The following PCDHGB6 variants were observed in gnomAD, a reference collection of about 807,000 sequenced individuals.
PCDHGB6 encodes the protein protocadherin gamma-B6.
PCDHGB6 carries 51 observed loss-of-function variants against 59.1 expected under a neutral mutation model. The observed-to-expected ratio is 0.86, with a 90% CI of 0.69 to 1.09. The LOEUF is 1.09. Ranked by LOEUF, PCDHGB6 falls within the 50% of genes least tolerant of loss-of-function variation. PCDHGB6 has a pLI of 0.00. For missense variants in PCDHGB6, 1,148 were observed against 1,205.1 expected, an observed-to-expected ratio of 0.95 and a Z score of 0.70; for synonymous variants, 466 against 495.1, an observed-to-expected ratio of 0.94 and a Z score of 0.78.
rs768074414 is a variant in PCDHGB6 at position 141,477,293 on chromosome 5, C to T, written c.2419-17514C>T. 8.1e-6 allele frequency: 13 copies of T among 1,614,180 alleles called. No homozygotes were observed. The highest frequency in any genetic ancestry group is 1.1e-5 in the Non-Finnish European group (13 of 1,180,036). ...CGGGCTGGTGACCTGCGAAGTTCCA[C>T]CGGGTCTCCCTTTCAGCCTTACTTC... On this transcript the variant is annotated intron_variant, in intron 1 of 3. Coordinates refer to ENST00000520790, the MANE Select transcript of PCDHGB6 (RefSeq NM_018926.3). This position sits in a 1 kb window ranked among gnomAD's most constrained non-coding sequence, Gnocchi z 4.9.
chr5:141,459,976 G>A (rs1013971472), intron 1 of PCDHGB6, among the ~76,000 whole-genome samples: 1 of 152,202 alleles, frequency 6.6e-6, no homozygotes, highest in Non-Finnish European at 1.5e-5. Flanking sequence ...TACTCAGGAG[G>A]CTGAGACAGG....
rs57426385 is a variant in PCDHGB6 at position 141,415,740 on chromosome 5, G to GTTTTT, written c.2418+5148_2418+5152dup. 865 of 624,308 alleles carry GTTTTT rather than the reference G, an allele frequency of 1.4e-3. 3 individuals carry two copies. Among genetic ancestry groups the GTTTTT allele is most frequent in the South Asian group, 2.2e-3 (75 of 34,868 alleles). The allele number at this position is 624,308 out of a possible 1,614,324, so 38.7% of individuals were successfully genotyped here. A position where few individuals can be genotyped will look rare whatever the true frequency, so the allele number is the denominator to read the frequency against. ...TGAGTAGAATTTGATGTTTATTAAG[G>GTTTTT]TTTTTTTTTTTTTTTTTTTTTTTTT... is the stretch of plus-strand genomic sequence containing the variant. On this transcript the variant is annotated intron_variant, in intron 1 of 3. Transcript: ENST00000520790.
chr5:141,427,114 A>G (rs767478190), intron 1 of PCDHGB6: 1 of 457,522 alleles, frequency 2.2e-6, no homozygotes, highest in Non-Finnish European at 4.4e-6. Flanking sequence ...GAGATCACCT[A>G]CTCTTTCAAA....
At chr5:141,418,349 A>G in intron 1 of PCDHGB6, 1 of 1,614,016 alleles carries the variant, frequency 6.2e-7, no homozygotes, top group South Asian at 1.1e-5. Context: ...TGATATTAGT[A>G]TGAATTCGCT....
Position 141,486,266 on chromosome 5 carries a change from C to G in PCDHGB6, c.2419-8541C>G, listed in dbSNP as rs1311684194. On this transcript the variant is annotated intron_variant, in intron 1 of 3. Transcript: ENST00000520790. The surrounding 1 kb of genome is among the most constrained non-coding windows in gnomAD (Gnocchi z 5.0). Reference sequence around the variant, plus strand: ...TGGAACCCTCCCCGAGAGTGCAGAACCTGGCACTGTGGTGGCACTTATCAG... The same window carrying G: ...TGGAACCCTCCCCGAGAGTGCAGAAGCTGGCACTGTGGTGGCACTTATCAG... 1 of 1,614,098 alleles carries G rather than the reference C, an allele frequency of 6.2e-7. No individual in the cohort carries two copies.
intron 1 of PCDHGB6, among the ~76,000 whole-genome samples, chr5:141,470,714 T>C (rs1416956410): frequency 1.3e-5 from 2 of 152,152 alleles, no homozygotes; most frequent in Non-Finnish European, 2.9e-5. Context: ...TTTTATTTTT[T>C]TGAGTCAGGG....
Position 141,409,638 on chromosome 5 carries a change from C to T in PCDHGB6, c.1436C>T (p.Pro479Leu), listed in dbSNP as rs1040366842. The T allele has an allele frequency of 3.1e-6, 5 of 1,613,648 alleles. No homozygotes were observed. The highest frequency in any genetic ancestry group is 1.7e-5 in the Admixed American group (1 of 60,006). ...ASIAQVSASDPDLGLNGHISY... is the reference protein window; with the variant it reads ...ASIAQVSASDLDLGLNGHISY... ...ATTGCGCAAGTGAGCGCCTCTGACC[C>T]GGATTTGGGGCTCAATGGCCACATC... The change falls in exon 1 of 4, where the codon CCG (proline) becomes CTG (leucine). Residue 479 changes from proline (P) to leucine (L), a missense_variant. Pro to Leu is a moderately conservative substitution (Grantham distance 98). Coordinates refer to ENST00000520790, the MANE Select transcript of PCDHGB6 (RefSeq NM_018926.3).
rs2099664737 is a variant in PCDHGB6, at chr5:141,487,754, G to GTAGAC, written c.2419-7052_2419-7048dup. 1 of 1,552,036 alleles carries GTAGAC rather than the reference G, an allele frequency of 6.4e-7. No homozygotes were observed. The highest frequency in any genetic ancestry group is 1.4e-5 in the African/African-American group (1 of 73,242). ...CATTTTTGTAAGAGGTAACTATGTG[G>GTAGAC]TAGACGCTGTGCTTTGTAACTGTTT... On this transcript the variant is annotated intron_variant, in intron 1 of 3. Transcript: ENST00000520790. This position sits in a 1 kb window ranked among gnomAD's most constrained non-coding sequence, Gnocchi z 5.0.
At chr5:141,430,351 A>G (rs923321842) in intron 1 of PCDHGB6, among the ~76,000 whole-genome samples, 5 of 152,046 alleles carry the variant, frequency 3.3e-5, no homozygotes, top group African/African-American at 1.2e-4. Flanking sequence ...CAATTCATTT[A>G]AAAGCTCATT....
At position 141,490,027 on chromosome 5, in the gene PCDHGB6, C is replaced by T. The variant is rs767829552; in HGVS notation, c.2419-4780C>T. Reference sequence around the variant, plus strand: ...TGCACCCATTGGTACTCTGCTGCTCCGCCTCAATGCCACTGATCCAGACGA... The same window carrying T: ...TGCACCCATTGGTACTCTGCTGCTCTGCCTCAATGCCACTGATCCAGACGA... On this transcript the variant is annotated intron_variant, in intron 1 of 3. Coordinates refer to ENST00000520790, the MANE Select transcript of PCDHGB6 (RefSeq NM_018926.3). This position sits in a 1 kb window ranked among gnomAD's most constrained non-coding sequence, Gnocchi z 5.4. The T allele has an allele frequency of 2.4e-5, 39 of 1,614,096 alleles. No homozygotes were observed. The highest frequency in any genetic ancestry group is 4.0e-5 in the African/African-American group (3 of 74,942).
intron 2 of PCDHGB6, among the ~76,000 whole-genome samples, chr5:141,497,487 T>TCTCTCTCTC (rs1223198472): frequency 1.3e-5 from 2 of 151,562 alleles, no homozygotes; most frequent in Non-Finnish European, 2.9e-5. Flanking sequence ...GCGGAACCTC[T>TCTCTCTCTC]CTCTCTCTCC....
chr5:141,487,442 G>A lies in PCDHGB6; in HGVS notation c.2419-7365G>A, dbSNP rs749842864. 1 of 1,613,918 alleles carries A rather than the reference G, an allele frequency of 6.2e-7. No homozygotes were observed. Among genetic ancestry groups the A allele is most frequent in the Non-Finnish European group, 8.5e-7 (1 of 1,179,798 alleles). On this transcript the variant is annotated intron_variant, in intron 1 of 3. Coordinates refer to ENST00000520790, the MANE Select transcript of PCDHGB6 (RefSeq NM_018926.3). The surrounding 1 kb of genome is among the most constrained non-coding windows in gnomAD (Gnocchi z 5.0). ...GATCCTCCGAATCCAGCTAGGGTCA[G>A]ATGACCCTATCAAGTTTGTTGATGT...
chr5:141,426,431 A>G (rs916399837), intron 1 of PCDHGB6: 1 of 297,328 alleles, frequency 3.4e-6, no homozygotes, highest in Non-Finnish European at 6.7e-6. Context: ...GTGGTGGGGA[A>G]CCTTGCGGAG....
At position 141,408,362 on chromosome 5, in the gene PCDHGB6, C is replaced by T. The variant is rs773344794; in HGVS notation, c.160C>T (p.Leu54=). ...GGTGGTGGGGAACCTCGCTAAGGAT[C>T]TAGGGCTCAGTGTCCTGGATGTGTC... ...GSVVGNLAKD[L]GLSVLDVSAR... The change falls in exon 1 of 4, where the codon CTA becomes TTA. Residue 54 remains leucine (L), a synonymous_variant. Transcript: ENST00000520790. 2.2e-5 allele frequency: 36 copies of T among 1,613,850 alleles called. No individual in the cohort carries two copies. Among genetic ancestry groups the T allele is most frequent in the Non-Finnish European group, 3.1e-5 (36 of 1,179,838 alleles).
At position 141,432,816 on chromosome 5, in the gene PCDHGB6, C is replaced by A. The variant is rs778545682; in HGVS notation, c.2418+22196C>A. Reference sequence around the variant, plus strand: ...CTCGAGTCTCCAGCTAACTCTGAAACCTCAGACCTCACTCTGTACCTGGTG... The same window carrying A: ...CTCGAGTCTCCAGCTAACTCTGAAAACTCAGACCTCACTCTGTACCTGGTG... On this transcript the variant is annotated intron_variant, in intron 1 of 3. Transcript: ENST00000520790. The surrounding 1 kb of genome is among the most constrained non-coding windows in gnomAD (Gnocchi z 6.0). The A allele has an allele frequency of 7.6e-5, 122 of 1,614,044 alleles. No individual in the cohort carries two copies. The highest frequency in any genetic ancestry group is 3.3e-5 in the Admixed American group (2 of 60,012).
At chr5:141,434,521 T>G (rs2097700467) in intron 1 of PCDHGB6, among the ~76,000 whole-genome samples, 1 of 152,202 alleles carries the variant, frequency 6.6e-6, no homozygotes, top group Non-Finnish European at 1.5e-5. Flanking sequence ...AAAGGTGTTC[T>G]TAAACCACAA....
intron 1 of PCDHGB6, chr5:141,478,104 C>T (rs1440105341): frequency 6.2e-7 from 1 of 1,614,118 alleles, no homozygotes; most frequent in South Asian, 1.1e-5. Flanking sequence ...GCTACCCTCA[C>T]TGTGTCAGTA....
At chr5:141,424,700 T>C (rs1359856009) in intron 1 of PCDHGB6, 3 of 152,228 alleles carry the variant, frequency 2.0e-5, no homozygotes, top group African/African-American at 7.2e-5. Context: ...TATTTTTTTG[T>C]TCATTTTCAG....
Position 141,491,964 on chromosome 5 carries a change from C to A in PCDHGB6, c.2419-2843C>A. On this transcript the variant is annotated intron_variant, in intron 1 of 3. Transcript: ENST00000520790. The surrounding 1 kb of genome is among the most constrained non-coding windows in gnomAD (Gnocchi z 6.9). ...CCCCACCCCTACACTCAAAAAAGGC[C>A]GGGGCCTCCTTCGAGCTTCCGGTGA... The A allele has an allele frequency of 1.1e-6, 1 of 943,952 alleles. No homozygotes were observed. The highest frequency in any genetic ancestry group is 1.5e-6 in the Non-Finnish European group (1 of 671,094). 58.5% of individuals were successfully genotyped at this position (943,952 alleles called of 1,614,324 possible). A position where few individuals can be genotyped will look rare whatever the true frequency, so the allele number is the denominator to read the frequency against.
Sources: allele counts gnomAD v4.1 joint callset (sites outside exome capture counted in the v4.1 genomes callset), GRCh38; gene constraint gnomAD v4.1.1; non-coding constraint Gnocchi (gnomAD v3.1); transcripts MANE v1.5; gene names NCBI Gene and HGNC (gene_info 2026-07-23, HGNC 2026-07-21).